Variants in BRAF observed in about 807,000 individuals in gnomAD.
The protein encoded by BRAF is B-Raf proto-oncogene, serine/threonine kinase.
Under a neutral mutation model 104.6 loss-of-function variants are expected in BRAF, and 16 were observed. The ratio of observed to expected loss-of-function variants is 0.15; its 90% confidence interval spans 0.10 to 0.23. BRAF has a LOEUF of 0.23. Ranked by LOEUF, BRAF falls within the 10% of genes least tolerant of loss-of-function variation. BRAF has a pLI of 1.00. For missense variants in BRAF, 541 were observed against 937.3 expected (o/e 0.58, Z 5.52); for synonymous variants, 310 against 341.6 (o/e 0.91, Z 1.02).
At chr7:140,884,223 A>G (rs1813263368) in intron 1 of BRAF, 1 of 151,946 alleles carries the variant, frequency 6.6e-6, no homozygotes, top group African/African-American at 2.4e-5. Flanking sequence ...TTTTAAAATT[A>G]GATTCAACCA....
intron 10 of BRAF, 158 bp from the exon 10 acceptor site, chr7:140,783,315 T>C: frequency 1.2e-6 from 1 of 808,170 alleles, no homozygotes; most frequent in Non-Finnish European, 1.9e-6. Context: ...GGGGCCTCAT[T>C]TGGTGATTAC....
chr7:140,901,638 G>C (rs10235900), intron 1 of BRAF, among the ~76,000 whole-genome samples: 1 of 151,958 alleles, frequency 6.6e-6, no homozygotes, highest in African/African-American at 2.4e-5. Context: ...ACTCAGTACA[G>C]GGTATGTACC....
At chr7:140,814,821 T>TTATATATAACATATATATA (rs1562973272) in intron 3 of BRAF, among the ~76,000 whole-genome samples, 1 of 127,512 alleles carries the variant, frequency 7.8e-6, no homozygotes, top group African/African-American at 4.3e-5. Flanking sequence ...ACATATATAA[T>TTATATATAACATATATATA]TTATATATAT....
At chr7:140,922,159 C>CTGTTTACCA (rs1818294728) in intron 1 of BRAF, among the ~76,000 whole-genome samples, 2 of 152,082 alleles carry the variant, frequency 1.3e-5, no homozygotes, top group African/African-American at 4.8e-5. Flanking sequence ...AACATTAAAA[C>CTGTTTACCA]CTGGGTAAAG....
At position 140,794,387 on chromosome 7, in the gene BRAF, C is replaced by T. The variant is rs1158980679; in HGVS notation, c.1061G>A (p.Arg354Gln). The change falls in exon 8 of 20, where the codon CGA becomes CAA. Residue 354 changes from arginine to glutamine, a missense_variant. By Grantham distance (43) the Arg-to-Gln change is conservative (BLOSUM62 1). Coordinates refer to ENST00000644969, the MANE Select transcript of BRAF (RefSeq NM_001374258.1). ...QPFRPADEDH[R>Q]NQFGQRDRSS... ...TCGGTCTCGTTGCCCAAATTGATTT[C>T]GATGATCTTCATCTGCTGGTCGGAA... is the stretch of plus-strand genomic sequence containing the variant. 5 of 1,613,300 alleles carry T rather than the reference C, an allele frequency of 3.1e-6. No homozygotes were observed. Among genetic ancestry groups the T allele is most frequent in the East Asian group, 2.2e-5 (1 of 44,864 alleles).
chr7:140,787,073 G>A (rs983551980), intron 9 of BRAF, among the ~76,000 whole-genome samples: 30 of 151,886 alleles, frequency 2.0e-4, no homozygotes, highest in Non-Finnish European at 2.9e-4. Flanking sequence ...AGGCCGAGGC[G>A]GGCGGATCAC....
chr7:140,811,635 C>G (rs1171323693), intron 3 of BRAF, among the ~76,000 whole-genome samples: 1 of 152,112 alleles, frequency 6.6e-6, no homozygotes, highest in Admixed American at 6.6e-5. Context: ...TAGGCAGGCT[C>G]TCAGTGGCTA....
At chr7:140,734,306 A>C (rs1796202880) in intron 19 of BRAF, 6 of 1,246,362 alleles carry the variant, frequency 4.8e-6, no homozygotes, top group Non-Finnish European at 5.1e-6. Context: ...TTTACTACTT[A>C]AAATAACCAA....
chr7:140,759,795 C>T (rs953134344), intron 14 of BRAF, among the ~76,000 whole-genome samples: 4 of 152,170 alleles, frequency 2.6e-5, no homozygotes, highest in African/African-American at 9.7e-5. Flanking sequence ...GGAGAATATG[C>T]CTGAAAGCAG....
At chr7:140,877,119 A>G (rs950858374) in intron 1 of BRAF, among the ~76,000 whole-genome samples, 3 of 152,146 alleles carry the variant, frequency 2.0e-5, no homozygotes, top group African/African-American at 7.2e-5. Context: ...AGCAATTGTA[A>G]AAGGCATAAT....
At chr7:140,793,776 T>C (rs1802233941) in intron 8 of BRAF, among the ~76,000 whole-genome samples, 1 of 152,046 alleles carries the variant, frequency 6.6e-6, no homozygotes, top group Admixed American at 6.6e-5. Flanking sequence ...CAGGCATGCC[T>C]CACCATGCAT....
In BRAF at chr7:140,751,247, AAAGT is replaced by A. The variant is rs574825597; in HGVS notation, c.1981-1833_1981-1830del. On this transcript the variant is annotated intron_variant, in intron 16 of 19. Coordinates refer to ENST00000644969, the MANE Select transcript of BRAF (RefSeq NM_001374258.1). Reference sequence around the variant, plus strand: ...AACTGTATAAACTAAGGTTTTTGAAAAAGTAAGGACAAAACTGGAGACTTGATTG... The same window carrying A: ...AACTGTATAAACTAAGGTTTTTGAAAAAGGACAAAACTGGAGACTTGATTG... Among the ~76,000 whole-genome samples, 8 of 152,300 alleles carry A rather than the reference AAAGT, an allele frequency of 5.3e-5. No individual in the cohort carries two copies. In the South Asian group the frequency reaches 1.7e-3, roughly 32 times the overall value.
rs71645982 is a variant in BRAF at position 140,777,370 on chromosome 7, A to C, written c.1638-282T>G. Among the ~76,000 whole-genome samples the C allele has an allele frequency of 3.3e-3, 497 of 152,254 alleles. 3 individuals carry two copies. The highest frequency in any genetic ancestry group is 0.011 in the African/African-American group (475 of 41,546). ...CATCACTCAGTTGTAGCTGACTCTC[A>C]TATCTTTATTTAAGTGGTTCTGGTA... is the stretch of plus-strand genomic sequence containing the variant. On this transcript the variant is annotated intron_variant, in intron 13 of 19. Transcript: ENST00000644969.
At position 140,815,139 on chromosome 7, in the gene BRAF, A is replaced by AT. The variant is rs535513876; in HGVS notation, c.505-6145dup. Among the ~76,000 whole-genome samples, 312 of 139,722 alleles carry AT rather than the reference A, an allele frequency of 2.2e-3. 1 individual carries two copies. Among genetic ancestry groups the AT allele is most frequent in the Middle Eastern group, 3.6e-3 (1 of 278 alleles). The allele number at this position is 139,722 out of a possible 152,430, so 91.7% of individuals were successfully genotyped here. A position where few individuals can be genotyped will look rare whatever the true frequency, so the allele number is the denominator to read the frequency against. On this transcript the variant is annotated intron_variant, in intron 3 of 19. Coordinates refer to ENST00000644969, the MANE Select transcript of BRAF (RefSeq NM_001374258.1). ...TTTTTGGGACTATTACATCAATTAC[A>AT]TTTTTTTTTTTTTTTTGAGACAGAG...
chr7:140,849,971 T>C, intron 2 of BRAF, 140 bp downstream of exon 2: 1 of 644,058 alleles, frequency 1.6e-6, no homozygotes, highest in Non-Finnish European at 2.7e-6. Context: ...AGAAGTATAA[T>C]ACAGGCAAAG....
intron 1 of BRAF, among the ~76,000 whole-genome samples, chr7:140,850,495 C>T (rs1424330909): frequency 6.6e-6 from 1 of 152,134 alleles, no homozygotes; most frequent in African/African-American, 2.4e-5. Flanking sequence ...TCCCAGGCCC[C>T]CTTTCAAAAA....
chr7:140,717,603 CAA>C (rs891207747), downstream of BRAF, among the ~76,000 whole-genome samples: 2 of 152,178 alleles, frequency 1.3e-5, no homozygotes, highest in African/African-American at 4.8e-5. Context: ...CTATATAACT[CAA>C]AAGACAGTAG....
At chr7:140,919,072 G>C (rs544134378) in intron 1 of BRAF, among the ~76,000 whole-genome samples, 2 of 151,584 alleles carry the variant, frequency 1.3e-5, no homozygotes, top group African/African-American at 4.9e-5. Context: ...GCGTGAACCC[G>C]GGAGGCAGAG....
intron 17 of BRAF, chr7:140,747,542 T>C (rs1797453343): frequency 6.6e-6 from 3 of 455,822 alleles, no homozygotes; most frequent in South Asian, 2.1e-5. Context: ...ATTTTATTAT[T>C]GTACTAAGAT....
Sources: gnomAD v4.1 joint callset for allele counts (sites outside exome capture counted in the v4.1 genomes callset) on GRCh38, gnomAD v4.1.1 for gene constraint, MANE v1.5 for transcripts, NCBI Gene and HGNC (gene_info 2026-07-23, HGNC 2026-07-21) for gene names.